SLMAP: variants seen among roughly 807,000 people sequenced by gnomAD.
SLMAP encodes sarcolemma associated protein, also known as sarcolemmal membrane-associated protein.
In SLMAP, 44 loss-of-function variants were observed where a neutral mutation model predicts 128.8. The observed-to-expected ratio is 0.34, with a 90% CI of 0.27 to 0.44. SLMAP has a LOEUF of 0.44. Among genes scored for constraint, SLMAP ranks in the 20% least tolerant of loss-of-function variants. The pLI is 1.00. For synonymous variants in SLMAP, 327 were observed against 348.8 expected, an observed-to-expected ratio of 0.94 and a Z score of 0.70; for missense variants, 787 against 985.3, an observed-to-expected ratio of 0.80 and a Z score of 2.69.
At chr3:57,869,659 T>TATATATATATATATATATAA (rs1213782539) in intron 13 of SLMAP, among the ~76,000 whole-genome samples, 23 of 115,420 alleles carry the variant, frequency 2.0e-4, no homozygotes, top group African/African-American at 6.7e-4. Context: ...TATATATATA[T>TATATATATATATATATATAA]AATATATATA....
At chr3:57,880,169 T>TTTTTGTTTTGTTTTGTTTTG (rs74656522) in intron 14 of SLMAP, among the ~76,000 whole-genome samples, 37 of 147,990 alleles carry the variant, frequency 2.5e-4, no homozygotes, top group Non-Finnish European at 3.6e-4. Context: ...TTGTATGTCA[T>TTTTTGTTTTGTTTTGTTTTG]TTTTGTTTTG....
chr3:57,770,981 G>T (rs944523863), intron 2 of SLMAP, among the ~76,000 whole-genome samples: 1 of 151,982 alleles, frequency 6.6e-6, no homozygotes, highest in Non-Finnish European at 1.5e-5. Flanking sequence ...TAATCAATTT[G>T]CTCCAAAATT....
chr3:57,773,207 T>TA (rs1273450211), intron 2 of SLMAP, among the ~76,000 whole-genome samples: 1 of 152,234 alleles, frequency 6.6e-6, no homozygotes, highest in Non-Finnish European at 1.5e-5. Flanking sequence ...GGAGCCCTGT[T>TA]ACTGGATTAC....
chr3:57,902,211 ATAT>A (rs1272116890), intron 17 of SLMAP: 1 of 152,168 alleles, frequency 6.6e-6, no homozygotes, highest in East Asian at 1.9e-4. Flanking sequence ...AGTATTATAG[ATAT>A]TATTTCTTTT....
chr3:57,855,951 G>C (rs1021461972), intron 6 of SLMAP, among the ~76,000 whole-genome samples: 1 of 151,900 alleles, frequency 6.6e-6, no homozygotes, highest in Non-Finnish European at 1.5e-5. Flanking sequence ...GCAGAGGTGA[G>C]AGAATTGCTT....
rs2094147900 is a variant in SLMAP at position 57,844,592 on chromosome 3, G to C, written c.420-2605G>C. Among the ~76,000 whole-genome samples the C allele has an allele frequency of 2.0e-5, 3 of 151,240 alleles. 1 individual carries two copies. The South Asian group carries it at 6.2e-4, about 31-fold the overall frequency. On this transcript the variant is annotated intron_variant, in intron 4 of 24. Coordinates refer to ENST00000671191, the MANE Select transcript of SLMAP (RefSeq NM_001377540.1). ...ATGTATATCACTTATGGAATGTGTT[G>C]CCGGATTTTTAGCCATTTGTTTATT...
intron 14 of SLMAP, among the ~76,000 whole-genome samples, chr3:57,884,257 A>G (rs781493049): frequency 6.6e-6 from 1 of 152,160 alleles, no homozygotes; most frequent in Non-Finnish European, 1.5e-5. Context: ...CCATGCAGAC[A>G]GACAAGTATC....
intron 21 of SLMAP, among the ~76,000 whole-genome samples, chr3:57,914,064 A>G (rs975954490): frequency 6.6e-6 from 1 of 152,206 alleles, no homozygotes; most frequent in Non-Finnish European, 1.5e-5. Flanking sequence ...AAGACCAATA[A>G]TTCTCTGAAA....
At position 57,906,674 on chromosome 3, in the gene SLMAP, AATATATATATAT is replaced by A. The variant is rs71091317; in HGVS notation, c.1502-1194_1502-1183del. Among the ~76,000 whole-genome samples, 122 of 67,456 alleles carry A rather than the reference AATATATATATAT, an allele frequency of 1.8e-3. 2 individuals carry two copies. The South Asian group carries it at 0.047, about 26-fold the overall frequency. The allele number at this position is 67,456 out of a possible 152,430, so 44.3% of individuals were successfully genotyped here. On this transcript the variant is annotated intron_variant, in intron 17 of 24. Transcript: ENST00000671191. ...ATATAATCTATGAATATGAAAAAAA[AATATATATATAT>A]ATATATATATATATAATTTCCAAAA... is the stretch of plus-strand genomic sequence containing the variant.
intron 6 of SLMAP, among the ~76,000 whole-genome samples, chr3:57,856,566 A>C (rs2094801097): frequency 6.6e-6 from 1 of 152,172 alleles, no homozygotes; most frequent in South Asian, 2.1e-4. Context: ...AAAGGTCTTC[A>C]GGGGCAGTAA....
chr3:57,799,195 A>G (rs2087550302), intron 2 of SLMAP, among the ~76,000 whole-genome samples: 1 of 152,198 alleles, frequency 6.6e-6, no homozygotes, highest in African/African-American at 2.4e-5. Flanking sequence ...CTTATAACAG[A>G]TGTTAAAGGA....
chr3:57,788,601 G>T, intron 2 of SLMAP, among the ~76,000 whole-genome samples: 1 of 152,060 alleles, frequency 6.6e-6, no homozygotes, highest in East Asian at 1.9e-4. Context: ...CAGCTGGCAG[G>T]GAAAAAAGAA....
intron 14 of SLMAP, among the ~76,000 whole-genome samples, chr3:57,884,763 C>T (rs945388938): frequency 6.6e-6 from 1 of 152,006 alleles, no homozygotes; most frequent in Non-Finnish European, 1.5e-5. Context: ...GGGCAGAGAT[C>T]ACGCCACTGC....
intron 5 of SLMAP, among the ~76,000 whole-genome samples, chr3:57,848,709 C>CA (rs2094387944): frequency 9.7e-6 from 1 of 103,614 alleles, no homozygotes. Context: ...CCTCCTACTC[C>CA]TTTTTTTTTT....
At position 57,757,205 on chromosome 3, in the gene SLMAP, C is replaced by T. The variant is rs2077800734; in HGVS notation, c.-447C>T. 1.0e-5 allele frequency: 2 copies of T among 194,462 alleles called. No individual in the cohort carries two copies. Among genetic ancestry groups the T allele is most frequent in the African/African-American group, 2.4e-5 (1 of 42,014 alleles). The allele number at this position is 194,462 out of a possible 1,614,324, so 12.0% of individuals were successfully genotyped here. A position where few individuals can be genotyped will look rare whatever the true frequency, so the allele number is the denominator to read the frequency against. On this transcript the variant is annotated 5_prime_UTR_variant, in exon 2 of 25. Coordinates refer to ENST00000671191, the MANE Select transcript of SLMAP (RefSeq NM_001377540.1). The stretch of plus-strand genomic sequence containing the variant: ...ACTTTCCTGGCCGCGCCGAACCGAC[C>T]CTTCATTCATGCTGCAGTGCTGCAA...
intron 3 of SLMAP, among the ~76,000 whole-genome samples, chr3:57,839,671 T>G (rs994409947): frequency 2.6e-5 from 4 of 151,876 alleles, no homozygotes; most frequent in African/African-American, 9.7e-5. Context: ...TGGCGTGATC[T>G]TGGCTCACTG....
intron 2 of SLMAP, among the ~76,000 whole-genome samples, chr3:57,798,474 A>G (rs1337127067): frequency 2.0e-5 from 3 of 152,128 alleles, no homozygotes; most frequent in African/African-American, 7.2e-5. Flanking sequence ...TCTAAGTTGC[A>G]TGGGCTGTTA....
At chr3:57,834,931 G>T (rs925289603) in intron 3 of SLMAP, among the ~76,000 whole-genome samples, 1 of 151,850 alleles carries the variant, frequency 6.6e-6, no homozygotes, top group African/African-American at 2.4e-5. Flanking sequence ...ATACCAGCCT[G>T]GGCAACATGG....
intron 17 of SLMAP, chr3:57,902,198 C>T (rs963865466): frequency 6.6e-6 from 1 of 152,006 alleles, no homozygotes; most frequent in Non-Finnish European, 1.5e-5. Flanking sequence ...CCAGTGTGAT[C>T]ATAGTATTAT....
Sources: gnomAD v4.1 joint callset for allele counts (sites outside exome capture counted in the v4.1 genomes callset) on GRCh38, gnomAD v4.1.1 for gene constraint, MANE v1.5 for transcripts, NCBI Gene and HGNC (gene_info 2026-07-23, HGNC 2026-07-21) for gene names.